Variants in SEMA6D observed in about 807,000 individuals in gnomAD.
The protein encoded by SEMA6D is semaphorin 6D.
In SEMA6D, 35 loss-of-function variants were observed where a neutral mutation model predicts 106.6. The observed-to-expected ratio is 0.33, with a 90% CI of 0.25 to 0.44. The LOEUF (loss-of-function observed/expected upper bound fraction) is 0.44. Among genes scored for constraint, SEMA6D ranks in the 20% least tolerant of loss-of-function variants. SEMA6D has a pLI of 1.00. For synonymous variants in SEMA6D, 499 were observed against 487.7 expected (o/e 1.02, Z -0.31); for missense variants, 1,185 against 1,345.9 (o/e 0.88, Z 1.87).
intron 4 of SEMA6D, among the ~76,000 whole-genome samples, chr15:47,659,734 G>A (rs1215845667): frequency 6.6e-6 from 1 of 152,040 alleles, no homozygotes; most frequent in Non-Finnish European, 1.5e-5. Flanking sequence ...GAAAGGAAAG[G>A]ACTAAGGTCA....
At chr15:47,657,069 G>A (rs2077811826) in intron 4 of SEMA6D, among the ~76,000 whole-genome samples, 1 of 152,206 alleles carries the variant, frequency 6.6e-6, no homozygotes, top group South Asian at 2.1e-4. Context: ...TGTATAATGG[G>A]ATGTATGCAA....
intron 1 of SEMA6D, among the ~76,000 whole-genome samples, chr15:47,258,563 A>G (rs1035260578): frequency 6.6e-6 from 1 of 152,148 alleles, no homozygotes; most frequent in East Asian, 1.9e-4. Context: ...CTCAGTTATC[A>G]GATCTCCTGG....
chr15:47,750,682 T>C (rs2081382032), intron 1 of SEMA6D, among the ~76,000 whole-genome samples: 2 of 152,346 alleles, frequency 1.3e-5, no homozygotes, highest in South Asian at 2.1e-4. Flanking sequence ...GGCAGAGTTT[T>C]AGACGGTTAA....
chr15:47,432,709 G>A (rs2041578357), intron 2 of SEMA6D, among the ~76,000 whole-genome samples: 1 of 152,036 alleles, frequency 6.6e-6, no homozygotes, highest in South Asian at 2.1e-4. Context: ...GAGCTGAAAA[G>A]ACCATGTGAC....
intron 1 of SEMA6D, among the ~76,000 whole-genome samples, chr15:47,343,880 A>G (rs928070150): frequency 5.3e-5 from 8 of 152,190 alleles, no homozygotes; most frequent in Admixed American, 1.3e-4. Context: ...ATGAACTCAA[A>G]CAAATTTACA....
intron 2 of SEMA6D, among the ~76,000 whole-genome samples, chr15:47,456,240 C>T (rs1226939438): frequency 6.6e-6 from 1 of 151,952 alleles, no homozygotes; most frequent in Non-Finnish European, 1.5e-5. Flanking sequence ...TACTTCTTAT[C>T]ATGGAGTCCA....
Position 47,772,513 on chromosome 15 carries a change from C to A in SEMA6D, c.*728C>A, listed in dbSNP as rs1315243132. On this transcript the variant is annotated 3_prime_UTR_variant, in exon 19 of 19. Coordinates refer to ENST00000536845, the MANE Select transcript of SEMA6D (RefSeq NM_001358351.3). ...TCCCACAGGAGTCCATTGGGTTCAGCTTTGAAAGAGGAATAGAATCGAGGC... is the reference window on the plus strand; with the variant it reads ...TCCCACAGGAGTCCATTGGGTTCAGATTTGAAAGAGGAATAGAATCGAGGC... 1 of 152,388 alleles carries A rather than the reference C, an allele frequency of 6.6e-6. No homozygotes were observed. Among genetic ancestry groups the A allele is most frequent in the East Asian group, 1.9e-4 (1 of 5,190 alleles). The allele number at this position is 152,388 out of a possible 1,614,324, so 9.4% of individuals were successfully genotyped here.
intron 1 of SEMA6D, among the ~76,000 whole-genome samples, chr15:47,336,499 A>G (rs143734250): frequency 0.011 from 1,688 of 152,262 alleles, 13 homozygotes; most frequent in Non-Finnish European, 0.014. Context: ...GGACTGGAGA[A>G]TTTTCACTAG....
chr15:47,654,239 C>T (rs2077748975), intron 4 of SEMA6D, among the ~76,000 whole-genome samples: 2 of 152,260 alleles, frequency 1.3e-5, no homozygotes, highest in South Asian at 4.1e-4. Flanking sequence ...GACCCTTGAA[C>T]AATCAATGCG....
intron 3 of SEMA6D, among the ~76,000 whole-genome samples, chr15:47,517,454 A>G (rs942436550): frequency 6.6e-6 from 1 of 152,042 alleles, no homozygotes; most frequent in Non-Finnish European, 1.5e-5. Flanking sequence ...TTACACATCT[A>G]TATTGTACTC....
chr15:47,381,425 G>C lies in SEMA6D; in HGVS notation c.-238-30968G>C, dbSNP rs557679893. ...TATGGGATCTTTCTTACCCACATCA[G>C]TCTCTGGAGTGACGCCTATAGCATA... is the stretch of plus-strand genomic sequence containing the variant. On this transcript the variant is annotated intron_variant, in intron 1 of 19. Coordinates refer to the SEMA6D transcript ENST00000558014. Among the ~76,000 whole-genome samples, 8 of 152,262 alleles carry C rather than the reference G, an allele frequency of 5.3e-5. No homozygotes were observed. The East Asian group carries it at 1.5e-3, about 29-fold the overall frequency.
At chr15:47,453,434 C>G (rs867505871) in intron 2 of SEMA6D, among the ~76,000 whole-genome samples, 1 of 151,932 alleles carries the variant, frequency 6.6e-6, no homozygotes, top group Non-Finnish European at 1.5e-5. Context: ...GTTATGACAA[C>G]AGCTATTAAA....
At chr15:47,711,220 G>A (rs1400880525) in intron 4 of SEMA6D, among the ~76,000 whole-genome samples, 1 of 144,474 alleles carries the variant, frequency 6.9e-6, no homozygotes. Context: ...TGAGGCAGGA[G>A]AATGGCGTGA....
chr15:47,706,707 C>T (rs2078918633), intron 4 of SEMA6D, among the ~76,000 whole-genome samples: 1 of 152,082 alleles, frequency 6.6e-6, no homozygotes, highest in Non-Finnish European at 1.5e-5. Context: ...CTCTCTCTCT[C>T]TCTTTCTCTC....
intron 1 of SEMA6D, among the ~76,000 whole-genome samples, chr15:47,233,628 T>C (rs2032354620): frequency 6.6e-6 from 1 of 151,996 alleles, no homozygotes; most frequent in African/African-American, 2.4e-5. Flanking sequence ...TTAAATCTTT[T>C]ACTTCATTAC....
chr15:47,612,636 C>T (rs2076930247), intron 4 of SEMA6D, among the ~76,000 whole-genome samples: 1 of 152,164 alleles, frequency 6.6e-6, no homozygotes, highest in African/African-American at 2.4e-5. Context: ...TGCATTGTAT[C>T]TGGGCTTAGA....
At chr15:47,361,417 T>G (rs2038799194) in intron 1 of SEMA6D, among the ~76,000 whole-genome samples, 1 of 152,240 alleles carries the variant, frequency 6.6e-6, no homozygotes, top group African/African-American at 2.4e-5. Context: ...TTAGGAGTTC[T>G]GGATATGTTT....
At chr15:47,769,072 A>T (rs1218755752) in intron 18 of SEMA6D, among the ~76,000 whole-genome samples, 3 of 152,196 alleles carry the variant, frequency 2.0e-5, no homozygotes, top group Non-Finnish European at 2.9e-5. Context: ...ACATCAAAAA[A>T]CAAAACTCAT....
intron 3 of SEMA6D, among the ~76,000 whole-genome samples, chr15:47,488,019 GCCCACCTC>G (rs1329123200): frequency 2.6e-5 from 4 of 152,082 alleles, no homozygotes; most frequent in Middle Eastern, 6.8e-3. Flanking sequence ...CTGAATTGAG[GCCCACCTC>G]CCTCACACAC....
Sources: allele counts gnomAD v4.1 joint callset (sites outside exome capture counted in the v4.1 genomes callset), GRCh38; gene constraint gnomAD v4.1.1; transcripts MANE v1.5; gene names NCBI Gene and HGNC (gene_info 2026-07-23, HGNC 2026-07-21).